Variants in PDE4D observed in about 807,000 individuals in gnomAD.
PDE4D encodes the protein phosphodiesterase 4D, also known as 3',5'-cyclic-AMP phosphodiesterase 4D.
Under a neutral mutation model 87.4 loss-of-function variants are expected in PDE4D, and 24 were observed. That is an observed-to-expected ratio of 0.27 (90% CI 0.20 to 0.39). PDE4D has a LOEUF of 0.39. PDE4D is among the 10% of genes least tolerant of loss of function. The pLI is 1.00. For missense variants in PDE4D, 714 were observed against 1,041.0 expected (o/e 0.69, Z 4.32); for synonymous variants, 384 against 383.2 (o/e 1.00, Z -0.02).
intron 1 of PDE4D, among the ~76,000 whole-genome samples, chr5:59,728,672 T>G (rs917712246): frequency 5.3e-5 from 8 of 152,130 alleles, no homozygotes; most frequent in Non-Finnish European, 1.2e-4. Flanking sequence ...AAAACAGATT[T>G]CCTGTGACTA....
intron 2 of PDE4D, among the ~76,000 whole-genome samples, chr5:59,995,705 C>T (rs1196839928): frequency 6.6e-6 from 1 of 152,140 alleles, no homozygotes; most frequent in Non-Finnish European, 1.5e-5. Context: ...TTATTTATGA[C>T]ACCAAGTCAG....
chr5:60,131,884 G>T (rs1437682485), intron 2 of PDE4D, among the ~76,000 whole-genome samples: 1 of 152,190 alleles, frequency 6.6e-6, no homozygotes, highest in Non-Finnish European at 1.5e-5. Flanking sequence ...CTGGAGCCTT[G>T]TTAGCTTCTG....
At chr5:59,712,429 T>TATATATATATATA (rs1754342946) in intron 1 of PDE4D, among the ~76,000 whole-genome samples, 1 of 131,636 alleles carries the variant, frequency 7.6e-6, no homozygotes, top group African/African-American at 2.8e-5. Context: ...TATATATATA[T>TATATATATATATA]TTAAGTTGTT....
At chr5:60,511,147 T>A (rs1192414273) in intron 1 of PDE4D, among the ~76,000 whole-genome samples, 1 of 152,080 alleles carries the variant, frequency 6.6e-6, no homozygotes, top group Non-Finnish European at 1.5e-5. Context: ...TTTTTGTATT[T>A]TCAGTAGAGA....
intron 1 of PDE4D, among the ~76,000 whole-genome samples, chr5:59,668,319 C>T (rs1746414185): frequency 6.6e-6 from 1 of 152,204 alleles, no homozygotes; most frequent in Admixed American, 6.5e-5. Context: ...CTATGATCAT[C>T]CTCTTTACTG....
Position 59,662,145 on chromosome 5 carries a change from C to T in PDE4D, c.455+231023G>A, listed in dbSNP as rs368606266. 2.2e-4 allele frequency among the ~76,000 whole-genome samples: 34 copies of T among 152,162 alleles called. 1 individual carries two copies. The East Asian group carries it at 3.1e-3, about 14-fold the overall frequency. ...CACAGTTCCGTTGTCAGAGTTCCAA[C>T]CAGCTGTACTCTGGGCAAGGTTGAG... On this transcript the variant is annotated intron_variant, in intron 1 of 14. Transcript: ENST00000340635.
chr5:59,098,781 A>C (rs941740188), intron 5 of PDE4D, among the ~76,000 whole-genome samples: 1 of 151,822 alleles, frequency 6.6e-6, no homozygotes, highest in African/African-American at 2.4e-5. Flanking sequence ...GAATGGTGAC[A>C]CCATGTTTAT....
At chr5:58,977,936 C>T (rs964525460) in intron 11 of PDE4D, among the ~76,000 whole-genome samples, 19 of 152,132 alleles carry the variant, frequency 1.2e-4, no homozygotes, top group Non-Finnish European at 2.5e-4. Context: ...AGGGATATTG[C>T]TCTTCCTGCC....
chr5:59,098,110 C>A (rs1770067567), intron 5 of PDE4D, among the ~76,000 whole-genome samples: 1 of 152,126 alleles, frequency 6.6e-6, no homozygotes, highest in South Asian at 2.1e-4. Flanking sequence ...ATATAATATT[C>A]CCCCTCCCAA....
chr5:59,430,404 G>C, intron 1 of PDE4D: 1 of 1,231,238 alleles, frequency 8.1e-7, no homozygotes, highest in Non-Finnish European at 1.0e-6. Flanking sequence ...ACTCACAGCT[G>C]CTTGGCAAAC....
Position 60,333,620 on chromosome 5 carries a change from T to G in PDE4D, c.-89-147933A>C, listed in dbSNP as rs572980509. On this transcript the variant is annotated intron_variant, in intron 1 of 16. Transcript: ENST00000502484. The stretch of plus-strand genomic sequence containing the variant: ...CAAAGTATTATTTAAAAATCTAAAA[T>G]GCCAAAAGCAACTACTCTATTTCTG... Among the ~76,000 whole-genome samples the G allele has an allele frequency of 2.1e-4, 32 of 152,302 alleles. 1 individual carries two copies. The highest frequency in any genetic ancestry group is 1.0e-3 in the South Asian group (5 of 4,826).
rs1168787532 is a variant in PDE4D, at chr5:59,396,617, G to A, written c.456-180649C>T. 7.5e-4 allele frequency among the ~76,000 whole-genome samples: 74 copies of A among 99,032 alleles called. 3 individuals carry two copies. The South Asian group carries it at 7.9e-3, about 11-fold the overall frequency. 65.0% of individuals were successfully genotyped at this position (99,032 alleles called of 152,430 possible). The stretch of plus-strand genomic sequence containing the variant: ...TGGAAAGGAACAACCGGTACCAGCC[G>A]CTGCAAAATCATGCCAAAATGTAAA... On this transcript the variant is annotated intron_variant, in intron 1 of 14. Coordinates refer to ENST00000340635, the MANE Select transcript of PDE4D (RefSeq NM_001104631.2).
At chr5:59,810,986 G>A (rs1768288151) in intron 1 of PDE4D, among the ~76,000 whole-genome samples, 1 of 152,166 alleles carries the variant, frequency 6.6e-6, no homozygotes, top group African/African-American at 2.4e-5. Flanking sequence ...GACATGAGGA[G>A]GCAGTATAAT....
At chr5:59,558,271 G>T (rs1819323214) in intron 1 of PDE4D, among the ~76,000 whole-genome samples, 1 of 152,112 alleles carries the variant, frequency 6.6e-6, no homozygotes, top group Non-Finnish European at 1.5e-5. Flanking sequence ...ATCAGAAAAT[G>T]ACAAGGACAA....
intron 1 of PDE4D, among the ~76,000 whole-genome samples, chr5:60,465,641 C>G (rs1472826543): frequency 6.6e-6 from 1 of 152,056 alleles, no homozygotes; most frequent in Non-Finnish European, 1.5e-5. Flanking sequence ...ATTATAATTA[C>G]AGAAGCTCCT....
At chr5:59,890,603 G>A (rs538083714) in intron 1 of PDE4D, among the ~76,000 whole-genome samples, 4 of 152,216 alleles carry the variant, frequency 2.6e-5, no homozygotes, top group African/African-American at 9.6e-5. Context: ...TAAACTTCAC[G>A]TTGGTTTCAT....
chr5:59,928,395 T>A (rs1052071239), intron 3 of PDE4D, among the ~76,000 whole-genome samples: 2 of 151,878 alleles, frequency 1.3e-5, no homozygotes, highest in Non-Finnish European at 2.9e-5. Flanking sequence ...CTGGCCAACA[T>A]CCTGAGACAC....
At chr5:59,768,369 C>T in intron 1 of PDE4D, 1 of 1,598,342 alleles carries the variant, frequency 6.3e-7, no homozygotes, top group South Asian at 1.1e-5. Context: ...AAACCGATTT[C>T]CTCGCTGTCT....
chr5:59,101,199 C>T (rs905333782), intron 5 of PDE4D, among the ~76,000 whole-genome samples: 4 of 152,164 alleles, frequency 2.6e-5, no homozygotes, highest in Admixed American at 1.3e-4. Context: ...CTCTAGGGCC[C>T]GCCGTATCAG....
Sources: gnomAD v4.1 joint callset for allele counts (sites outside exome capture counted in the v4.1 genomes callset) on GRCh38, gnomAD v4.1.1 for gene constraint, MANE v1.5 for transcripts, NCBI Gene and HGNC (gene_info 2026-07-23, HGNC 2026-07-21) for gene names.